The following SNX29 variants were observed in gnomAD, a reference collection of about 807,000 sequenced individuals.
SNX29 encodes sorting nexin-29.
Under a neutral mutation model 102.1 loss-of-function variants are expected in SNX29, and 78 were observed. The ratio of observed to expected loss-of-function variants is 0.76; its 90% CI spans 0.64 to 0.92. SNX29 has a LOEUF of 0.92. Among genes scored for constraint, SNX29 ranks in the 40% least tolerant of loss-of-function variants. SNX29 has a pLI of 0.00. For missense variants in SNX29, 1,280 were observed against 1,061.7 expected (o/e 1.21, Z -2.86); for synonymous variants, 580 against 414.5 (o/e 1.40, Z -4.85).
At chr16:12,538,607 C>G (rs538299851) in intron 20 of SNX29, among the ~76,000 whole-genome samples, 1 of 152,090 alleles carries the variant, frequency 6.6e-6, no homozygotes, top group Non-Finnish European at 1.5e-5. Context: ...TAGGTGGATG[C>G]AGGAGGGCCT....
At chr16:12,263,610 C>T (rs2078842931) in intron 14 of SNX29, among the ~76,000 whole-genome samples, 1 of 152,060 alleles carries the variant, frequency 6.6e-6, no homozygotes, top group Non-Finnish European at 1.5e-5. Context: ...ATATATTTTC[C>T]CTGCAGTGAA....
intron 4 of SNX29, among the ~76,000 whole-genome samples, chr16:12,041,020 C>T (rs1176417971): frequency 6.6e-6 from 1 of 152,070 alleles, no homozygotes; most frequent in Non-Finnish European, 1.5e-5. Context: ...CCATTTTGGC[C>T]AGGATGGTCA....
chr16:12,356,875 C>T (rs2151313206), intron 16 of SNX29, among the ~76,000 whole-genome samples: 1 of 152,336 alleles, frequency 6.6e-6, no homozygotes, highest in East Asian at 1.9e-4. Context: ...TTTTGACAAC[C>T]ACAAATGTCT....
At chr16:12,156,791 G>A (rs557221088) in intron 13 of SNX29, among the ~76,000 whole-genome samples, 9 of 152,214 alleles carry the variant, frequency 5.9e-5, no homozygotes, top group Non-Finnish European at 1.3e-4. Flanking sequence ...TCAGGAGAAT[G>A]GGAGTGCAGG....
At chr16:12,541,034 T>C (rs181647865) in intron 20 of SNX29, among the ~76,000 whole-genome samples, 9 of 152,318 alleles carry the variant, frequency 5.9e-5, no homozygotes, top group Non-Finnish European at 1.3e-4. Flanking sequence ...ACTGGTCATC[T>C]CTGTAGTCTG....
In SNX29 at chr16:12,524,832, C is replaced by T. The variant is rs1567653789; in HGVS notation, c.2309C>T (p.Pro770Leu). Residue 770 changes from proline (P) to leucine (L), a missense_variant, in exon 20 of 21, where the codon CCC becomes CTC. Coordinates refer to ENST00000566228, the MANE Select transcript of SNX29 (RefSeq NM_032167.5). ...PKKETLIQLMPFFVDITPPGE... is the reference protein window; with the variant it reads ...PKKETLIQLMLFFVDITPPGE... ...AAGGAGACCCTCATCCAGCTGATGC[C>T]CTTCTTCGTGTAAGTACTGCTCCCA... 1 of 1,613,446 alleles carries T rather than the reference C, an allele frequency of 6.2e-7. No homozygotes were observed. Among genetic ancestry groups the T allele is most frequent in the South Asian group, 1.1e-5 (1 of 91,026 alleles).
Position 12,335,561 on chromosome 16 carries a change from A to G in SNX29, c.1783-20602A>G, listed in dbSNP as rs537203733. Among the ~76,000 whole-genome samples, 531 of 152,240 alleles carry G rather than the reference A, an allele frequency of 3.5e-3. 3 individuals are homozygous for G. Among genetic ancestry groups the G allele is most frequent in the Non-Finnish European group, 5.6e-3 (381 of 68,024 alleles). ...CATGGTTGCATGTGCCTGTATTCCC[A>G]GCTACTCAGGAGGCTGAGGTGGGAG... On this transcript the variant is annotated intron_variant, in intron 15 of 20. Coordinates refer to ENST00000566228, the MANE Select transcript of SNX29 (RefSeq NM_032167.5).
chr16:12,177,486 T>A (rs1474544854), intron 13 of SNX29, among the ~76,000 whole-genome samples: 1 of 152,222 alleles, frequency 6.6e-6, no homozygotes, highest in Non-Finnish European at 1.5e-5. Flanking sequence ...TGTGTGTGTT[T>A]ATCTGTGTAG....
intron 16 of SNX29, among the ~76,000 whole-genome samples, chr16:12,365,615 G>A (rs361744): frequency 2.6e-5 from 4 of 151,570 alleles, no homozygotes; most frequent in African/African-American, 7.3e-5. Context: ...GCTTGAACCC[G>A]GGTGGCGGAG....
intron 13 of SNX29, among the ~76,000 whole-genome samples, chr16:12,197,289 G>A (rs1206327735): frequency 2.6e-5 from 4 of 152,172 alleles, no homozygotes; most frequent in African/African-American, 9.7e-5. Flanking sequence ...TGCTCTACAG[G>A]CTGGGCGTGG....
chr16:12,049,492 G>A (rs1420317068), intron 7 of SNX29, among the ~76,000 whole-genome samples: 3 of 151,980 alleles, frequency 2.0e-5, no homozygotes, highest in African/African-American at 4.8e-5. Context: ...GCCAACATGC[G>A]TGGTTTCTTT....
intron 14 of SNX29, among the ~76,000 whole-genome samples, chr16:12,252,491 CAGTA>C (rs2142394760): frequency 6.6e-6 from 1 of 152,362 alleles, no homozygotes; most frequent in Admixed American, 6.5e-5. Context: ...TGATGGAACT[CAGTA>C]AGGCAGTGTG....
chr16:12,195,429 A>T (rs934450596), intron 13 of SNX29, among the ~76,000 whole-genome samples: 1 of 152,204 alleles, frequency 6.6e-6, no homozygotes, highest in Non-Finnish European at 1.5e-5. Context: ...CAGTTCTTGA[A>T]GCTGTTGATT....
chr16:12,083,616 T>G (rs546130881), intron 11 of SNX29, among the ~76,000 whole-genome samples: 1 of 152,262 alleles, frequency 6.6e-6, no homozygotes, highest in East Asian at 1.9e-4. Context: ...ACTGGTTCAT[T>G]AGGGAAGGGA....
At chr16:12,246,823 G>A (rs564915234) in intron 14 of SNX29, among the ~76,000 whole-genome samples, 2 of 152,344 alleles carry the variant, frequency 1.3e-5, no homozygotes, top group Non-Finnish European at 1.5e-5. Context: ...AGGTCTGGAT[G>A]TTGGGGATGG....
intron 14 of SNX29, among the ~76,000 whole-genome samples, chr16:12,223,232 A>G (rs1245031327): frequency 6.6e-6 from 1 of 152,166 alleles, no homozygotes; most frequent in Non-Finnish European, 1.5e-5. Context: ...AATCGAGATT[A>G]TACTAGTATT....
At chr16:12,344,223 G>T (rs1167942516) in intron 15 of SNX29, among the ~76,000 whole-genome samples, 2 of 152,156 alleles carry the variant, frequency 1.3e-5, no homozygotes, top group Non-Finnish European at 2.9e-5. Context: ...GTATGTCTTT[G>T]TCAGCAGCAT....
chr16:12,006,169 A>G (rs999723935), intron 3 of SNX29, among the ~76,000 whole-genome samples: 1 of 151,226 alleles, frequency 6.6e-6, no homozygotes, highest in Non-Finnish European at 1.5e-5. Context: ...GTGCCATTGC[A>G]TTCTAGCTTG....
chr16:12,528,604 T>C (rs2076850006), intron 20 of SNX29, among the ~76,000 whole-genome samples: 1 of 152,186 alleles, frequency 6.6e-6, no homozygotes, highest in East Asian at 1.9e-4. Context: ...TGTTGTCTCC[T>C]GGGCACTGAG....
Sources: allele counts gnomAD v4.1 joint callset (sites outside exome capture counted in the v4.1 genomes callset), GRCh38; gene constraint gnomAD v4.1.1; transcripts MANE v1.5; gene names NCBI Gene and HGNC (gene_info 2026-07-23, HGNC 2026-07-21).